The following RAVER2 variants were observed in gnomAD, a reference collection of about 807,000 sequenced individuals.
RAVER2 encodes ribonucleoprotein, PTB binding 2.
RAVER2 carries 46 observed loss-of-function variants against 78.1 expected under a neutral mutation model. The observed-to-expected ratio is 0.59, with a 90% CI of 0.46 to 0.75. The LOEUF is 0.75. Among genes scored for constraint, RAVER2 ranks in the 30% least tolerant of loss-of-function variants. RAVER2 has a pLI of 0.00. For synonymous variants in RAVER2, 311 were observed against 313.3 expected (o/e 0.99, Z 0.08); for missense variants, 793 against 837.5 (o/e 0.95, Z 0.66).
intron 1 of RAVER2, among the ~76,000 whole-genome samples, chr1:64,753,800 G>A (rs1651773953): frequency 6.6e-6 from 1 of 152,140 alleles, no homozygotes; most frequent in Non-Finnish European, 1.5e-5. Context: ...GGGATTACAG[G>A]CGTGAGCCAC....
intron 1 of RAVER2, among the ~76,000 whole-genome samples, chr1:64,752,237 G>T (rs147834148): frequency 1.6e-4 from 24 of 152,314 alleles, no homozygotes; most frequent in African/African-American, 5.1e-4. Context: ...AGCCACTAGT[G>T]GGGGATCAGA....
intron 1 of RAVER2, among the ~76,000 whole-genome samples, chr1:64,752,125 G>A (rs982797341): frequency 2.0e-5 from 3 of 152,150 alleles, no homozygotes; most frequent in African/African-American, 4.8e-5. Flanking sequence ...ATCTATTCTC[G>A]ACCCTTCTCA....
intron 3 of RAVER2, among the ~76,000 whole-genome samples, chr1:64,780,744 AC>A (rs1163423493): frequency 1.3e-5 from 2 of 152,134 alleles, no homozygotes; most frequent in African/African-American, 4.8e-5. Flanking sequence ...ATCTTCCATT[AC>A]ACTCTTACAG....
At chr1:64,764,086 T>C (rs1392566846) in intron 1 of RAVER2, among the ~76,000 whole-genome samples, 1 of 152,194 alleles carries the variant, frequency 6.6e-6, no homozygotes. Context: ...AGTTACATTG[T>C]TGTATATTCC....
In RAVER2 at chr1:64,766,466, G is replaced by C. The variant is rs540412396; in HGVS notation, c.250-2190G>C. ...AACCAGGGCATGGAGAAAAATAATT[G>C]GGTTTTTCTTTGTAGGAAGCTTTGT... On this transcript the variant is annotated intron_variant, in intron 1 of 11. Coordinates refer to ENST00000294428, the Ensembl canonical transcript of RAVER2. Among the ~76,000 whole-genome samples, 7 of 152,206 alleles carry C rather than the reference G, an allele frequency of 4.6e-5. No homozygotes were observed. In the South Asian group the frequency reaches 1.4e-3, roughly 32 times the overall value.
intron 10 of RAVER2, among the ~76,000 whole-genome samples, chr1:64,813,871 A>G (rs1037532318): frequency 8.7e-6 from 1 of 114,894 alleles, no homozygotes; most frequent in African/African-American, 3.6e-5. Context: ...ACACACACAC[A>G]CACGTTTTGT....
chr1:64,747,506 C>A (rs962269530), intron 1 of RAVER2, among the ~76,000 whole-genome samples: 2 of 150,624 alleles, frequency 1.3e-5, no homozygotes, highest in African/African-American at 2.4e-5. Context: ...TCATTCATTT[C>A]TTTCTTTCTT....
At chr1:64,751,222 A>C (rs971015222) in intron 1 of RAVER2, among the ~76,000 whole-genome samples, 1 of 152,214 alleles carries the variant, frequency 6.6e-6, no homozygotes, top group East Asian at 1.9e-4. Context: ...GATGGTATTT[A>C]GTTTTCAGGT....
rs141361415 is a variant in RAVER2, at chr1:64,815,224, C to T, written c.1929+384C>T. 7.4e-3 allele frequency: 1,137 copies of T among 152,836 alleles called. 13 individuals carry two copies. The highest frequency in any genetic ancestry group is 0.026 in the African/African-American group (1,082 of 41,556). The allele number at this position is 152,836 out of a possible 1,614,324, so 9.5% of individuals were successfully genotyped here. ...ATGACAGTAGAGACTATGTGGCCTG[C>T]AAGATTAAATATTTACTATCTGGTT... On this transcript the variant is annotated intron_variant, in intron 11 of 11. Coordinates refer to ENST00000294428, the Ensembl canonical transcript of RAVER2.
At chr1:64,768,160 A>G (rs1220245348) in intron 1 of RAVER2, among the ~76,000 whole-genome samples, 10 of 151,980 alleles carry the variant, frequency 6.6e-5, no homozygotes, top group South Asian at 2.1e-4. Context: ...TAAAAGCTCT[A>G]TAGCATGCAG....
chr1:64,754,479 C>T (rs1249135067), intron 1 of RAVER2, among the ~76,000 whole-genome samples: 1 of 152,006 alleles, frequency 6.6e-6, no homozygotes, highest in African/African-American at 2.4e-5. Flanking sequence ...GACGTCTGAC[C>T]CCCGGCACAC....
At chr1:64,793,398 C>T (rs1652998798) in intron 5 of RAVER2, among the ~76,000 whole-genome samples, 1 of 152,140 alleles carries the variant, frequency 6.6e-6, no homozygotes, top group African/African-American at 2.4e-5. Flanking sequence ...TCTGACCAAG[C>T]TGATCTTTTC....
At position 64,762,171 on chromosome 1, in the gene RAVER2, A is replaced by G. The variant is rs188498306; in HGVS notation, c.250-6485A>G. On this transcript the variant is annotated intron_variant, in intron 1 of 11. Coordinates refer to ENST00000294428, the Ensembl canonical transcript of RAVER2. ...TGTCAAATTTTAAAAATAGACTTCAAATAACATCAAAAATGTCAAATGCAA... is the reference window on the plus strand; with the variant it reads ...TGTCAAATTTTAAAAATAGACTTCAGATAACATCAAAAATGTCAAATGCAA... 1.5e-3 allele frequency among the ~76,000 whole-genome samples: 223 copies of G among 152,364 alleles called. 1 individual carries two copies. Among genetic ancestry groups the G allele is most frequent in the African/African-American group, 5.1e-3 (212 of 41,588 alleles).
chr1:64,746,269 G>A (rs186299788), intron 1 of RAVER2, among the ~76,000 whole-genome samples: 3 of 152,204 alleles, frequency 2.0e-5, no homozygotes, highest in Middle Eastern at 3.4e-3. Flanking sequence ...GATAACCATT[G>A]TTATCCTGGG....
At chr1:64,803,830 T>C (rs976944391) in intron 6 of RAVER2, among the ~76,000 whole-genome samples, 17 of 152,162 alleles carry the variant, frequency 1.1e-4, no homozygotes, top group Admixed American at 1.1e-3. Context: ...ACATTTAAAG[T>C]CTATGTTATT....
intron 1 of RAVER2, among the ~76,000 whole-genome samples, chr1:64,760,930 C>CT (rs1335941900): frequency 6.6e-6 from 1 of 152,142 alleles, no homozygotes; most frequent in Admixed American, 6.5e-5. Context: ...GCTGTAGAGT[C>CT]TGTCAACTGG....
intron 11 of RAVER2, among the ~76,000 whole-genome samples, chr1:64,816,751 A>G (rs1180666864): frequency 6.6e-6 from 1 of 152,216 alleles, no homozygotes; most frequent in African/African-American, 2.4e-5. Context: ...ACAAAAATCA[A>G]TTCAAGATGG....
intron 3 of RAVER2, 68 bp downstream of exon 3, chr1:64,778,160 T>G: frequency 2.6e-6 from 3 of 1,135,702 alleles, no homozygotes; most frequent in South Asian, 3.4e-5. Flanking sequence ...CTACATACAC[T>G]CACAAATTTA....
rs759829483 is a variant in RAVER2, at chr1:64,768,677, G to C, written c.271G>C (p.Asp91His). The change falls in exon 2 of 12, where the codon GAC (aspartate) becomes CAC (histidine). Residue 91 changes from aspartate (D) to histidine (H), a missense_variant. By Grantham distance (81) the Asp-to-His change is moderately conservative (BLOSUM62 -1). Transcript: ENST00000294428. Reference sequence around the variant, plus strand: ...TCAGGAAGTTCATGATTTGTTAAAAGACTATGACTTAAAATATTGTTATGT... The same window carrying C: ...TCAGGAAGTTCATGATTTGTTAAAACACTATGACTTAAAATATTGTTATGT... The C allele has an allele frequency of 1.4e-5, 22 of 1,561,982 alleles. No individual in the cohort carries two copies. The highest frequency in any genetic ancestry group is 1.8e-5 in the Non-Finnish European group (20 of 1,135,816).
Sources: gnomAD v4.1 joint callset for allele counts (sites outside exome capture counted in the v4.1 genomes callset) on GRCh38, gnomAD v4.1.1 for gene constraint, MANE v1.5 for transcripts, NCBI Gene and HGNC (gene_info 2026-07-23, HGNC 2026-07-21) for gene names.